AGAP1: variants seen among roughly 807,000 people sequenced by gnomAD.
AGAP1 encodes ArfGAP with GTPase domain, ankyrin repeat and PH domain 1.
A neutral mutation model predicts 105.3 loss-of-function variants in AGAP1; 29 were observed. The ratio of observed to expected loss-of-function variants is 0.28; its 90% CI spans 0.21 to 0.38. The LOEUF (loss-of-function observed/expected upper bound fraction) is 0.38, where lower values mean the gene tolerates loss of function less well. AGAP1 is among the 10% of genes least tolerant of loss of function. AGAP1 has a pLI of 1.00. For synonymous variants in AGAP1, 509 were observed against 485.9 expected (o/e 1.05, Z -0.63); for missense variants, 998 against 1,165.1 (o/e 0.86, Z 2.09).
intron 13 of AGAP1, among the ~76,000 whole-genome samples, chr2:235,999,760 ATTAT>A (rs2056031872): frequency 7.2e-5 from 11 of 151,806 alleles, no homozygotes; most frequent in African/African-American, 2.7e-4. Flanking sequence ...GATGATGCTG[ATTAT>A]GATGTTGTTG....
chr2:236,101,049 C>A lies in AGAP1; in HGVS notation c.2115-19143C>A, dbSNP rs1418287921. ...TGACACAGGGGTCCGCAGACCCAGGCCCCTCATTCCATCAGTTTCTTTCAG... is the reference window on the plus strand; with the variant it reads ...TGACACAGGGGTCCGCAGACCCAGGACCCTCATTCCATCAGTTTCTTTCAG... On this transcript the variant is annotated intron_variant, in intron 16 of 17. Transcript: ENST00000304032. This position sits in a 1 kb window ranked among gnomAD's most constrained non-coding sequence, Gnocchi z 4.9. 6.6e-6 allele frequency among the ~76,000 whole-genome samples: 1 copy of A among 152,074 alleles called. No individual in the cohort carries two copies. Among genetic ancestry groups the A allele is most frequent in the African/African-American group, 2.4e-5 (1 of 41,422 alleles).
At chr2:235,778,060 C>A (rs1956015676) in intron 6 of AGAP1, among the ~76,000 whole-genome samples, 1 of 152,112 alleles carries the variant, frequency 6.6e-6, no homozygotes, top group African/African-American at 2.4e-5. Flanking sequence ...GAGACCCTTT[C>A]TCTGAGCTTG....
At chr2:236,052,496 G>A (rs532090045) in intron 16 of AGAP1, among the ~76,000 whole-genome samples, 5 of 152,278 alleles carry the variant, frequency 3.3e-5, no homozygotes, top group Admixed American at 1.3e-4. Context: ...GGGCAGCTTC[G>A]GACGGCTTAT....
At position 235,737,436 on chromosome 2, in the gene AGAP1, T is replaced by C. The variant is rs541064712; in HGVS notation, c.311-3527T>C. On this transcript the variant is annotated intron_variant, in intron 3 of 17. Transcript: ENST00000304032. The surrounding 1 kb of genome is among the most constrained non-coding windows in gnomAD (Gnocchi z 4.5). ...TGAGAGAAGGAATCACTGCTCCTTT[T>C]AGAGGCAATGAAAGTTGGGCCTGGA... is the stretch of plus-strand genomic sequence containing the variant. Among the ~76,000 whole-genome samples, 1 of 152,292 alleles carries C rather than the reference T, an allele frequency of 6.6e-6. No individual in the cohort carries two copies. The highest frequency in any genetic ancestry group is 2.4e-5 in the African/African-American group (1 of 41,574).
chr2:236,037,699 C>G (rs529720969), intron 14 of AGAP1, among the ~76,000 whole-genome samples: 1 of 152,212 alleles, frequency 6.6e-6, no homozygotes, highest in Non-Finnish European at 1.5e-5. Flanking sequence ...TGAGCTACCA[C>G]GCCTGGCTTA....
intron 3 of AGAP1, among the ~76,000 whole-genome samples, chr2:235,726,342 G>C (rs894427886): frequency 6.6e-6 from 1 of 152,184 alleles, no homozygotes; most frequent in Non-Finnish European, 1.5e-5. Flanking sequence ...CACAACTGTT[G>C]CTTTCCTAAG....
In AGAP1 at chr2:235,906,836, G is replaced by T. The variant is rs988406767; in HGVS notation, c.1156-1902G>T. ...CAAACATCTACTTGTTGATAAACCC[G>T]TGACTCCTTCACAAGTGTGGGTGTT... On this transcript the variant is annotated intron_variant, in intron 10 of 17. Coordinates refer to ENST00000304032, the MANE Select transcript of AGAP1 (RefSeq NM_001037131.3). The surrounding 1 kb of genome is among the most constrained non-coding windows in gnomAD (Gnocchi z 5.3). Among the ~76,000 whole-genome samples the T allele has an allele frequency of 1.3e-5, 2 of 150,312 alleles. No individual in the cohort carries two copies. The highest frequency in any genetic ancestry group is 2.9e-5 in the Non-Finnish European group (2 of 68,036).
chr2:235,851,592 C>T (rs2048460117), intron 9 of AGAP1, among the ~76,000 whole-genome samples: 4 of 152,090 alleles, frequency 2.6e-5, no homozygotes, highest in East Asian at 1.9e-4. Flanking sequence ...TTGCAGCCGG[C>T]GAGCGCCAGG....
rs997651245 is a variant in AGAP1 at position 235,705,071 on chromosome 2, C to T, written c.164-4108C>T. 1.6e-4 allele frequency among the ~76,000 whole-genome samples: 23 copies of T among 148,218 alleles called. No individual in the cohort carries two copies. The highest frequency in any genetic ancestry group is 5.5e-4 in the African/African-American group (22 of 40,050). On this transcript the variant is annotated intron_variant, in intron 1 of 17. Transcript: ENST00000304032. This position sits in a 1 kb window ranked among gnomAD's most constrained non-coding sequence, Gnocchi z 4.9. The stretch of plus-strand genomic sequence containing the variant: ...TCGGCTCGCTGCAACCTCTACCTCC[C>T]GGGTTCAAGCACTTCTCCTGCCTCA...
chr2:236,108,041 C>T (rs1296585108), intron 16 of AGAP1, among the ~76,000 whole-genome samples: 1 of 152,240 alleles, frequency 6.6e-6, no homozygotes, highest in Admixed American at 6.5e-5. Context: ...TCCTCCTCCC[C>T]GCATGCGGGA....
Position 236,062,198 on chromosome 2 carries a change from G to A in AGAP1, c.2114+12917G>A, listed in dbSNP as rs1206976740. Among the ~76,000 whole-genome samples, 3 of 152,184 alleles carry A rather than the reference G, an allele frequency of 2.0e-5. No homozygotes were observed. The highest frequency in any genetic ancestry group is 1.9e-4 in the East Asian group (1 of 5,176). On this transcript the variant is annotated intron_variant, in intron 16 of 17. Coordinates refer to ENST00000304032, the MANE Select transcript of AGAP1 (RefSeq NM_001037131.3). The surrounding 1 kb of genome is among the most constrained non-coding windows in gnomAD (Gnocchi z 4.2). ...ACCACCAGATACTGGGAGTCCCTGG[G>A]AGAGATCAGGCACTTGACAAGCCCT...
Position 235,686,664 on chromosome 2 carries a change from TA to T in AGAP1, c.164-22514del, listed in dbSNP as rs1466507104. On this transcript the variant is annotated intron_variant, in intron 1 of 17. Transcript: ENST00000304032. The stretch of plus-strand genomic sequence containing the variant: ...ATATATAGATATATATATATATATA[TA>T]TTTTTTTTTTTTTTTAGACAGAGTC... Among the ~76,000 whole-genome samples, 141 of 65,670 alleles carry T rather than the reference TA, an allele frequency of 2.1e-3. 8 individuals carry two copies. Among genetic ancestry groups the T allele is most frequent in the African/African-American group, 7.5e-3 (96 of 12,794 alleles). 43.1% of individuals were successfully genotyped at this position (65,670 alleles called of 152,430 possible). A position where few individuals can be genotyped will look rare whatever the true frequency, so the allele number is the denominator to read the frequency against.
Position 235,750,529 on chromosome 2 carries a change from A to G in AGAP1, c.673+41A>G. 1 of 1,611,522 alleles carries G rather than the reference A, an allele frequency of 6.2e-7. No homozygotes were observed. Among genetic ancestry groups the G allele is most frequent in the Non-Finnish European group, 8.5e-7 (1 of 1,177,894 alleles). On this transcript the variant is annotated intron_variant, in intron 6 of 17. Transcript: ENST00000304032. This position sits in a 1 kb window ranked among gnomAD's most constrained non-coding sequence, Gnocchi z 5.3. ...TGGGAGTTTAATTTCAGTTCATGAT[A>G]GACGGGAGGCACTTCAAGAAGTCAG...
rs1411805799 is a variant in AGAP1, at chr2:235,842,564, C to G, written c.1050+35233C>G. Among the ~76,000 whole-genome samples, 1 of 152,114 alleles carries G rather than the reference C, an allele frequency of 6.6e-6. No homozygotes were observed. The highest frequency in any genetic ancestry group is 1.5e-5 in the Non-Finnish European group (1 of 68,014). ...TGACTGTATTTTGATATGATTGGTT[C>G]TTTTGTAATCCTATGAATTTAAACC... On this transcript the variant is annotated intron_variant, in intron 9 of 17. Transcript: ENST00000304032. This position sits in a 1 kb window ranked among gnomAD's most constrained non-coding sequence, Gnocchi z 5.3.
At chr2:235,917,956 C>G (rs1212234884) in intron 11 of AGAP1, among the ~76,000 whole-genome samples, 5 of 152,202 alleles carry the variant, frequency 3.3e-5, no homozygotes, top group African/African-American at 1.2e-4. Context: ...GACATCAAAA[C>G]TAGACCCGTT....
chr2:236,019,434 C>A (rs148368721), intron 13 of AGAP1, among the ~76,000 whole-genome samples: 1 of 152,186 alleles, frequency 6.6e-6, no homozygotes, highest in African/African-American at 2.4e-5. Context: ...TCATGGCCTG[C>A]GGGATGTGAC....
intron 13 of AGAP1, among the ~76,000 whole-genome samples, chr2:235,984,931 A>G (rs182364009): frequency 3.4e-4 from 52 of 152,272 alleles, no homozygotes; most frequent in African/African-American, 1.2e-3. Context: ...ATGTGTTTTT[A>G]TAGCAGAATG....
Position 235,887,210 on chromosome 2 carries a change from C to T in AGAP1, c.1155+3761C>T, listed in dbSNP as rs2050312701. 6.6e-6 allele frequency among the ~76,000 whole-genome samples: 1 copy of T among 152,098 alleles called. No homozygotes were observed. Among genetic ancestry groups the T allele is most frequent in the African/African-American group, 2.4e-5 (1 of 41,406 alleles). The stretch of plus-strand genomic sequence containing the variant: ...CCAGGATGTATTACGGCAGAAGGAC[C>T]ACTGAGAGTCATTGGCCACATGCAG... On this transcript the variant is annotated intron_variant, in intron 10 of 17. Transcript: ENST00000304032. This position sits in a 1 kb window ranked among gnomAD's most constrained non-coding sequence, Gnocchi z 4.1.
rs924986262 is a variant in AGAP1, at chr2:235,712,036, T to C, written c.222+2799T>C. 5.9e-5 allele frequency among the ~76,000 whole-genome samples: 9 copies of C among 152,164 alleles called. No homozygotes were observed. The highest frequency in any genetic ancestry group is 1.2e-4 in the Non-Finnish European group (8 of 68,032). On this transcript the variant is annotated intron_variant, in intron 2 of 17. Coordinates refer to ENST00000304032, the MANE Select transcript of AGAP1 (RefSeq NM_001037131.3). The surrounding 1 kb of genome is among the most constrained non-coding windows in gnomAD (Gnocchi z 6.0). ...TATGTTTTATTTTCTTTCTTTCTTT[T>C]TTTTTTGTTACGGGGTCTCACTCTG...
Sources: allele counts gnomAD v4.1 joint callset (sites outside exome capture counted in the v4.1 genomes callset), GRCh38; gene constraint gnomAD v4.1.1; non-coding constraint Gnocchi (gnomAD v3.1); transcripts MANE v1.5; gene names NCBI Gene and HGNC (gene_info 2026-07-23, HGNC 2026-07-21).